Variants in CDH10 observed in about 807,000 individuals in gnomAD.
CDH10 encodes the protein cadherin 10, also known as cadherin-10.
Under a neutral mutation model 73.1 loss-of-function variants are expected in CDH10, and 30 were observed. The ratio of observed to expected loss-of-function variants is 0.41; its 90% CI spans 0.31 to 0.56. The LOEUF (loss-of-function observed/expected upper bound fraction) is 0.56. CDH10 is among the 20% of genes least tolerant of loss of function. The pLI, the probability that CDH10 is intolerant of heterozygous loss-of-function variation, is 0.27. For missense variants in CDH10, 815 were observed against 973.7 expected (o/e 0.84, Z 2.17); for synonymous variants, 345 against 348.2 (o/e 0.99, Z 0.10).
chr5:24,594,333 A>G (rs576626748), intron 1 of CDH10, among the ~76,000 whole-genome samples: 15 of 152,010 alleles, frequency 9.9e-5, no homozygotes, highest in Middle Eastern at 3.4e-3. Context: ...CAGGCTGACT[A>G]TGGTAACAGC....
At chr5:24,514,690 G>C (rs1050456035) in intron 5 of CDH10, among the ~76,000 whole-genome samples, 2 of 152,064 alleles carry the variant, frequency 1.3e-5, no homozygotes, top group Non-Finnish European at 2.9e-5. Context: ...ATTTCATTTG[G>C]TGTATAAAGT....
At chr5:24,529,124 T>C (rs562322366) in intron 5 of CDH10, among the ~76,000 whole-genome samples, 1 of 152,146 alleles carries the variant, frequency 6.6e-6, no homozygotes, top group South Asian at 2.1e-4. Context: ...AATACTATTA[T>C]TTTTACACTG....
At chr5:24,500,325 G>T (rs548831023) in intron 8 of CDH10, among the ~76,000 whole-genome samples, 68 of 152,306 alleles carry the variant, frequency 4.5e-4, no homozygotes, top group Non-Finnish European at 8.4e-4. Context: ...ATAAAGAAAG[G>T]CAGACAGAAT....
At chr5:24,563,655 A>G (rs1309685159) in intron 2 of CDH10, among the ~76,000 whole-genome samples, 1 of 148,408 alleles carries the variant, frequency 6.7e-6, no homozygotes, top group Non-Finnish European at 1.5e-5. Context: ...CTGTGGTCCC[A>G]GCTACTCCGG....
chr5:24,519,051 T>C (rs1743216055), intron 5 of CDH10, among the ~76,000 whole-genome samples: 1 of 151,738 alleles, frequency 6.6e-6, no homozygotes. Flanking sequence ...CCACCATGCC[T>C]GGCTAATTTT....
chr5:24,512,285 G>A (rs1168041780), intron 5 of CDH10, among the ~76,000 whole-genome samples: 1 of 151,958 alleles, frequency 6.6e-6, no homozygotes, highest in African/African-American at 2.4e-5. Context: ...GATTAGAGAC[G>A]CAAGCCACGC....
At chr5:24,535,515 A>G (rs912225330) in intron 4 of CDH10, among the ~76,000 whole-genome samples, 188 bp downstream of exon 4, 5 of 152,086 alleles carry the variant, frequency 3.3e-5, no homozygotes, top group Non-Finnish European at 5.9e-5. Flanking sequence ...ATGTTCAAAT[A>G]TCTAAACAGA....
intron 2 of CDH10, among the ~76,000 whole-genome samples, chr5:24,572,029 T>C (rs1745402375): frequency 6.6e-6 from 1 of 151,878 alleles, no homozygotes; most frequent in Non-Finnish European, 1.5e-5. Flanking sequence ...TTTTTCTGGT[T>C]TAAAATCCAC....
intron 2 of CDH10, among the ~76,000 whole-genome samples, chr5:24,586,327 G>C (rs544848080): frequency 6.6e-6 from 1 of 151,470 alleles, no homozygotes; most frequent in African/African-American, 2.4e-5. Context: ...CTGTGGATTA[G>C]AGCTCTAAAG....
intron 5 of CDH10, among the ~76,000 whole-genome samples, chr5:24,527,404 T>C (rs1169328226): frequency 6.7e-6 from 1 of 150,326 alleles, no homozygotes; most frequent in Non-Finnish European, 1.5e-5. Flanking sequence ...ATTATATATA[T>C]TTATATTTAT....
At chr5:24,563,985 T>C (rs1170033144) in intron 2 of CDH10, among the ~76,000 whole-genome samples, 1 of 152,192 alleles carries the variant, frequency 6.6e-6, no homozygotes, top group Non-Finnish European at 1.5e-5. Flanking sequence ...GTTCCATTTA[T>C]TATTTGAGCA....
chr5:24,576,271 T>C lies in CDH10; in HGVS notation c.231+16989A>G, dbSNP rs888170047. Among the ~76,000 whole-genome samples, 52 of 152,154 alleles carry C rather than the reference T, an allele frequency of 3.4e-4. 1 individual carries two copies. Among genetic ancestry groups the C allele is most frequent in the African/African-American group, 1.2e-3 (49 of 41,416 alleles). On this transcript the variant is annotated intron_variant, in intron 2 of 11. Transcript: ENST00000264463. Reference sequence around the variant, plus strand: ...GACTTTTCCATTACTGAGTTGTTCCTGATGTGTATTACATTGATATCTCAT... The same window carrying C: ...GACTTTTCCATTACTGAGTTGTTCCCGATGTGTATTACATTGATATCTCAT...
chr5:24,494,177 T>A (rs1742174429), intron 9 of CDH10, among the ~76,000 whole-genome samples: 1 of 151,894 alleles, frequency 6.6e-6, no homozygotes, highest in South Asian at 2.1e-4. Flanking sequence ...AGCAACATAA[T>A]TATTTGACTA....
intron 8 of CDH10, among the ~76,000 whole-genome samples, chr5:24,504,834 T>C (rs1226482511): frequency 1.3e-5 from 2 of 152,054 alleles, no homozygotes; most frequent in African/African-American, 4.8e-5. Flanking sequence ...TGTTAATCTG[T>C]TTCATGTCAA....
intron 2 of CDH10, among the ~76,000 whole-genome samples, chr5:24,562,052 A>C (rs536572864): frequency 6.6e-6 from 1 of 152,250 alleles, no homozygotes. Flanking sequence ...ATAATAAAAT[A>C]CTGTGCAACA....
intron 1 of CDH10, among the ~76,000 whole-genome samples, chr5:24,609,321 TG>T (rs1187200013): frequency 2.0e-5 from 3 of 151,988 alleles, no homozygotes; most frequent in African/African-American, 7.3e-5. Flanking sequence ...GAACGATAGT[TG>T]GGGGGAGGTT....
Position 24,537,377 on chromosome 5 carries a change from T to G in CDH10, c.526+3A>C. 1 of 1,596,890 alleles carries G rather than the reference T, an allele frequency of 6.3e-7. No homozygotes were observed. Among genetic ancestry groups the G allele is most frequent in the Non-Finnish European group, 8.5e-7 (1 of 1,170,972 alleles). ...CCATCATAAACGCTGTAAATGAACT[T>G]ACCTACAACAGACATTTCGGGAACA... is the stretch of plus-strand genomic sequence containing the variant. On this transcript the variant is annotated splice_donor_region_variant and intron_variant, in intron 3 of 11. Transcript: ENST00000264463.
chr5:24,572,892 C>A (rs1579826616), intron 2 of CDH10, among the ~76,000 whole-genome samples: 1 of 101,968 alleles, frequency 9.8e-6, no homozygotes, highest in Admixed American at 1.4e-4. Flanking sequence ...TTTATTCAGT[C>A]ATAAGGACCT....
chr5:24,539,508 G>T (rs1288595947), intron 2 of CDH10, among the ~76,000 whole-genome samples: 1 of 151,970 alleles, frequency 6.6e-6, no homozygotes, highest in Non-Finnish European at 1.5e-5. Context: ...GTTAATGGAA[G>T]TAGTAATTAG....
Sources: gnomAD v4.1 joint callset for allele counts (sites outside exome capture counted in the v4.1 genomes callset) on GRCh38, gnomAD v4.1.1 for gene constraint, MANE v1.5 for transcripts, NCBI Gene and HGNC (gene_info 2026-07-23, HGNC 2026-07-21) for gene names.